Variants in NELL2 observed in about 807,000 individuals in gnomAD.
NELL2 encodes neural EGFL like 2.
NELL2 carries 41 observed loss-of-function variants against 109.6 expected under a neutral mutation model. The ratio of observed to expected loss-of-function variants is 0.37; its 90% CI spans 0.29 to 0.49. The LOEUF (loss-of-function observed/expected upper bound fraction) is 0.49, where lower values mean the gene tolerates loss of function less well. Among genes scored for constraint, NELL2 ranks in the 20% least tolerant of loss-of-function variants. NELL2 has a pLI of 0.98. For missense variants in NELL2, 900 were observed against 1,008.3 expected, an observed-to-expected ratio of 0.89 and a Z score of 1.45; for synonymous variants, 355 against 344.7, an observed-to-expected ratio of 1.03 and a Z score of -0.33.
intron 13 of NELL2, among the ~76,000 whole-genome samples, chr12:44,633,977 T>G (rs1302031011): frequency 6.6e-6 from 1 of 152,112 alleles, no homozygotes; most frequent in Non-Finnish European, 1.5e-5. Flanking sequence ...GCTGAAAAGC[T>G]CTATCGTAAA....
At chr12:44,861,735 G>A (rs937203410) in intron 2 of NELL2, among the ~76,000 whole-genome samples, 1 of 152,228 alleles carries the variant, frequency 6.6e-6, no homozygotes, top group African/African-American at 2.4e-5. Context: ...GACCCAATCA[G>A]TGAGTCCAGG....
At chr12:44,736,866 T>C (rs1408071834) in intron 9 of NELL2, among the ~76,000 whole-genome samples, 3 of 152,042 alleles carry the variant, frequency 2.0e-5, no homozygotes, top group African/African-American at 7.2e-5. Flanking sequence ...CAAACCTATA[T>C]ATGCAAGCAT....
At chr12:44,540,796 A>AAAAAAAAAAAAAAAAAC (rs1942522935) in intron 15 of NELL2, among the ~76,000 whole-genome samples, 2 of 150,330 alleles carry the variant, frequency 1.3e-5, no homozygotes, top group Non-Finnish European at 3.0e-5. Context: ...AAAAAAAAAA[A>AAAAAAAAAAAAAAAAAC]AAGCCCATCC....
At chr12:44,657,839 A>G (rs145439078) in intron 13 of NELL2, among the ~76,000 whole-genome samples, 4,255 of 152,270 alleles carry the variant, frequency 0.028, 168 homozygotes, top group African/African-American at 0.093. Flanking sequence ...ATAGTATTCC[A>G]TGATGTATAT....
intron 19 of NELL2, among the ~76,000 whole-genome samples, chr12:44,509,492 A>AAT (rs1940885120): frequency 6.6e-6 from 1 of 152,198 alleles, no homozygotes; most frequent in Admixed American, 6.5e-5. Flanking sequence ...AAAGCCTTTG[A>AAT]GAGGTAATTA....
rs1196794534 is a variant in NELL2 at position 44,876,039 on chromosome 12, C to A, written c.-170G>T. On this transcript the variant is annotated 5_prime_UTR_variant, in exon 1 of 20. It adds an upstream start codon to the 5' untranslated region. Transcript: ENST00000429094. ...GTTGCCTAAGAAAGAAAAGGGAGGC[C>A]TCCCCAGGCGCGTGAAGAACTTAGA... 1 of 1,482,890 alleles carries A rather than the reference C, an allele frequency of 6.7e-7. No individual in the cohort carries two copies. Among genetic ancestry groups the A allele is most frequent in the Non-Finnish European group, 8.9e-7 (1 of 1,123,180 alleles). 91.9% of individuals were successfully genotyped at this position (1,482,890 alleles called of 1,614,324 possible). A position where few individuals can be genotyped will look rare whatever the true frequency, so the allele number is the denominator to read the frequency against.
intron 2 of NELL2, among the ~76,000 whole-genome samples, chr12:44,829,222 A>T: frequency 6.6e-6 from 1 of 152,154 alleles, no homozygotes; most frequent in South Asian, 2.1e-4. Flanking sequence ...ATGATAAGTG[A>T]TGTTGATGAA....
At chr12:44,908,115 T>C (rs534922472) in intron 1 of NELL2, among the ~76,000 whole-genome samples, 7 of 152,042 alleles carry the variant, frequency 4.6e-5, no homozygotes, top group Non-Finnish European at 8.8e-5. Flanking sequence ...TCTAGAAGTA[T>C]GGAAATGTGT....
chr12:44,833,783 G>A (rs1182227197), intron 2 of NELL2, among the ~76,000 whole-genome samples: 1 of 152,160 alleles, frequency 6.6e-6, no homozygotes, highest in African/African-American at 2.4e-5. Context: ...AATTTATGCT[G>A]TACAAAGGTT....
rs554325442 is a variant in NELL2 at position 44,882,395 on chromosome 12, C to T, written c.39-6495G>A. ...GAAAATATACATACATACGTGTATACATATACACATATGTATATATGTTGA... is the reference window on the plus strand; with the variant it reads ...GAAAATATACATACATACGTGTATATATATACACATATGTATATATGTTGA... On this transcript the variant is annotated intron_variant, in intron 1 of 20. Transcript: ENST00000333837. 3.5e-4 allele frequency among the ~76,000 whole-genome samples: 53 copies of T among 150,436 alleles called. 1 individual carries two copies. In the East Asian group the frequency reaches 9.4e-3, roughly 27 times the overall value.
At chr12:44,769,792 A>G (rs1941474823) in intron 9 of NELL2, among the ~76,000 whole-genome samples, 2 of 152,192 alleles carry the variant, frequency 1.3e-5, no homozygotes, top group Admixed American at 1.3e-4. Flanking sequence ...ACTGATCTGC[A>G]GTGGACGTCA....
chr12:44,823,752 C>G (rs1276533126), intron 2 of NELL2, among the ~76,000 whole-genome samples: 1 of 152,050 alleles, frequency 6.6e-6, no homozygotes, highest in Non-Finnish European at 1.5e-5. Flanking sequence ...AGATATATAC[C>G]CAGAAGTGAA....
In NELL2 at chr12:44,789,492, T is replaced by A. The variant is rs189047638; in HGVS notation, c.336-9470A>T. ...GAACAGCAGGATTCAGCCCTAGACC[T>A]TCCCTCTGACAGAACCTACCCAAAT... On this transcript the variant is annotated intron_variant, in intron 3 of 19. Coordinates refer to ENST00000429094, the MANE Select transcript of NELL2 (RefSeq NM_001145108.2). Among the ~76,000 whole-genome samples, 223 of 152,248 alleles carry A rather than the reference T, an allele frequency of 1.5e-3. 1 individual carries two copies. The highest frequency in any genetic ancestry group is 4.9e-3 in the African/African-American group (204 of 41,536).
intron 11 of NELL2, among the ~76,000 whole-genome samples, chr12:44,704,165 G>A (rs936584401): frequency 1.3e-5 from 2 of 151,836 alleles, no homozygotes; most frequent in Admixed American, 6.6e-5. Flanking sequence ...TATTATTAGG[G>A]TACAAAATGA....
At chr12:44,626,962 TG>T (rs1381314165) in intron 13 of NELL2, among the ~76,000 whole-genome samples, 1 of 152,208 alleles carries the variant, frequency 6.6e-6, no homozygotes, top group East Asian at 1.9e-4. Context: ...GTTTATTTTT[TG>T]TTTTCCTTCC....
At chr12:44,828,707 G>A (rs763283219) in intron 2 of NELL2, among the ~76,000 whole-genome samples, 63 of 152,202 alleles carry the variant, frequency 4.1e-4, no homozygotes, top group Non-Finnish European at 7.8e-4. Flanking sequence ...ATTAATAAAA[G>A]TCAGGATATG....
At chr12:44,690,513 C>T (rs990748982) in intron 12 of NELL2, among the ~76,000 whole-genome samples, 2 of 151,320 alleles carry the variant, frequency 1.3e-5, no homozygotes, top group African/African-American at 2.4e-5. Context: ...CTTTGGATCA[C>T]ATGTTGGACC....
chr12:44,756,054 T>G (rs1267700869), intron 9 of NELL2, among the ~76,000 whole-genome samples: 1 of 152,148 alleles, frequency 6.6e-6, no homozygotes, highest in East Asian at 1.9e-4. Context: ...GTAATTCACC[T>G]TAGATCTCAC....
intron 9 of NELL2, among the ~76,000 whole-genome samples, chr12:44,740,663 A>G (rs1438158182): frequency 6.6e-6 from 1 of 152,182 alleles, no homozygotes; most frequent in Non-Finnish European, 1.5e-5. Context: ...AAAAAAAAAG[A>G]GTCTAGAATG....
Sources: gnomAD v4.1 joint callset for allele counts (sites outside exome capture counted in the v4.1 genomes callset) on GRCh38, gnomAD v4.1.1 for gene constraint, MANE v1.5 for transcripts, NCBI Gene and HGNC (gene_info 2026-07-23, HGNC 2026-07-21) for gene names.